Variants in CUX1 observed in about 807,000 individuals in gnomAD.
CUX1 encodes cut like homeobox 1, also known as protein CASP.
Under a neutral mutation model 158.8 loss-of-function variants are expected in CUX1, and 31 were observed. The observed-to-expected ratio is 0.20, with a 90% CI of 0.15 to 0.26. The LOEUF is 0.26. Ranked by LOEUF, CUX1 falls within the 10% of genes least tolerant of loss-of-function variation. The pLI is 1.00. For synonymous variants in CUX1, 879 were observed against 862.1 expected (o/e 1.02, Z -0.34); for missense variants, 1,589 against 2,014.6 (o/e 0.79, Z 4.04).
intron 14 of CUX1, among the ~76,000 whole-genome samples, chr7:102,267,779 G>A (rs752430722): frequency 2.0e-5 from 3 of 152,206 alleles, no homozygotes; most frequent in Admixed American, 6.5e-5. Context: ...CGATCCTCCC[G>A]CCTTAGCCTC....
At chr7:102,274,892 C>T (rs1362150872) in intron 16 of CUX1, among the ~76,000 whole-genome samples, 2 of 152,194 alleles carry the variant, frequency 1.3e-5, no homozygotes, top group Non-Finnish European at 1.5e-5. Context: ...CCCTTTGCTT[C>T]CCCAGGGGAT....
intron 3 of CUX1, among the ~76,000 whole-genome samples, chr7:102,028,988 A>ATT (rs71519103): frequency 0.21 from 23,590 of 114,078 alleles, 2,954 homozygotes; most frequent in East Asian, 0.6. Flanking sequence ...AGTCTTAGGG[A>ATT]TTTTTTTTTT....
At position 102,276,324 on chromosome 7, in the gene CUX1, C is replaced by T. The variant is rs1485332473; in HGVS notation, c.1563+965C>T. On this transcript the variant is annotated intron_variant, in intron 17 of 22. Coordinates refer to the CUX1 transcript ENST00000292538. ...TTTTGGTTGTGTTTGTTTTTTGAGA[C>T]CGAGTCCCGCTCTCTTGCCCAGGCT... is the stretch of plus-strand genomic sequence containing the variant. 4.6e-5 allele frequency among the ~76,000 whole-genome samples: 7 copies of T among 152,112 alleles called. No individual in the cohort carries two copies. The South Asian group carries it at 6.2e-4, about 13-fold the overall frequency.
Position 102,193,824 on chromosome 7 carries a change from T to C in CUX1, c.1077-18T>C. On this transcript the variant is annotated intron_variant, in intron 12 of 23. Coordinates refer to ENST00000292535, the MANE Select transcript of CUX1 (RefSeq NM_181552.4). ...CTCAAAAAATAAATAAAATAACCCC[T>C]CTGTTGTGCTCTTGCAGCATTCTGA... The C allele has an allele frequency of 1.2e-6, 2 of 1,612,970 alleles. No homozygotes were observed. Among genetic ancestry groups the C allele is most frequent in the Non-Finnish European group, 1.7e-6 (2 of 1,179,574 alleles).
intron 8 of CUX1, among the ~76,000 whole-genome samples, chr7:102,144,407 A>G (rs1554501320): frequency 6.6e-6 from 1 of 151,244 alleles, no homozygotes; most frequent in Non-Finnish European, 1.5e-5. Context: ...ACCTGTCCCC[A>G]CTCCTGTTTT....
intron 3 of CUX1, among the ~76,000 whole-genome samples, chr7:102,043,323 C>CTG (rs57276921): frequency 0.16 from 21,904 of 138,878 alleles, 1,653 homozygotes; most frequent in East Asian, 0.28. Context: ...CATTAGCTCA[C>CTG]TGTGTGTGTG....
chr7:101,963,522 G>A (rs150901619), intron 2 of CUX1, among the ~76,000 whole-genome samples: 146 of 152,360 alleles, frequency 9.6e-4, no homozygotes, highest in Non-Finnish European at 1.6e-3. Context: ...AGGGTGGGAA[G>A]TGGAGGCTGG....
At chr7:102,028,906 G>A (rs776718785) in intron 3 of CUX1, among the ~76,000 whole-genome samples, 3 of 151,896 alleles carry the variant, frequency 2.0e-5, no homozygotes, top group Non-Finnish European at 4.4e-5. Flanking sequence ...AACAGAAAGT[G>A]GAATCATAGC....
intron 2 of CUX1, among the ~76,000 whole-genome samples, chr7:102,016,206 C>G (rs10229976): frequency 0.42 from 64,131 of 151,772 alleles, 14,122 homozygotes; most frequent in Non-Finnish European, 0.46. Flanking sequence ...CCTTAACCTC[C>G]CAAAGTGCTG....
At chr7:101,953,666 C>T (rs1041113215) in intron 2 of CUX1, among the ~76,000 whole-genome samples, 6 of 152,164 alleles carry the variant, frequency 3.9e-5, no homozygotes, top group African/African-American at 9.7e-5. Flanking sequence ...TGCTTTACCT[C>T]ACGTACCAAA....
At chr7:101,895,968 G>A (rs1160419952) in intron 1 of CUX1, among the ~76,000 whole-genome samples, 3 of 141,166 alleles carry the variant, frequency 2.1e-5, no homozygotes, top group Admixed American at 7.4e-5. Flanking sequence ...GGAGTGCAGC[G>A]GCACAATCAC....
intron 5 of CUX1, 148 bp downstream of exon 5, chr7:102,097,649 T>A: frequency 1.2e-6 from 1 of 814,036 alleles, no homozygotes; most frequent in Non-Finnish European, 1.9e-6. Flanking sequence ...TCTGAGTCGT[T>A]AAAGAGAGAT....
chr7:102,283,647 G>A (rs1350496906), exon 23 of CUX1: 1 of 152,138 alleles, frequency 6.6e-6, no homozygotes, highest in Non-Finnish European at 1.5e-5. Context: ...CACCCCAAGA[G>A]AGAGAGCCCC....
At chr7:101,824,127 G>A (rs1028226977) in intron 1 of CUX1, among the ~76,000 whole-genome samples, 7 of 152,062 alleles carry the variant, frequency 4.6e-5, no homozygotes, top group African/African-American at 9.7e-5. Flanking sequence ...TCACTCTGTC[G>A]CCCAGCCTGG....
Position 102,250,667 on chromosome 7 carries a change from G to A in CUX1, c.*1625G>A. ...TGCCCTTCTTTCATTTCGCCTCTTAGTTCTTTTTATGCACAGTTTTAGGGC... is the reference window on the plus strand; with the variant it reads ...TGCCCTTCTTTCATTTCGCCTCTTAATTCTTTTTATGCACAGTTTTAGGGC... On this transcript the variant is annotated 3_prime_UTR_variant, in exon 24 of 24. Coordinates refer to ENST00000292535, the MANE Select transcript of CUX1 (RefSeq NM_181552.4). 1 of 985,342 alleles carries A rather than the reference G, an allele frequency of 1.0e-6. No individual in the cohort carries two copies. The highest frequency in any genetic ancestry group is 1.2e-6 in the Non-Finnish European group (1 of 829,916). 61.0% of individuals were successfully genotyped at this position (985,342 alleles called of 1,614,324 possible).
At chr7:101,837,902 C>T (rs1012437650) in intron 1 of CUX1, among the ~76,000 whole-genome samples, 6 of 149,344 alleles carry the variant, frequency 4.0e-5, no homozygotes, top group Non-Finnish European at 4.4e-5. Flanking sequence ...TTTTAACATT[C>T]CCATTTCTAC....
At chr7:102,066,666 C>T (rs1036595686) in intron 3 of CUX1, among the ~76,000 whole-genome samples, 2 of 152,174 alleles carry the variant, frequency 1.3e-5, no homozygotes, top group Admixed American at 6.5e-5. Context: ...TCAAGCGGTA[C>T]GGACAGCAGC....
chr7:102,280,756 C>T (rs1792001884), intron 19 of CUX1: 2 of 1,594,108 alleles, frequency 1.3e-6, no homozygotes, highest in Non-Finnish European at 1.7e-6. Context: ...CAAGCCAGGG[C>T]CTGTGAGGTC....
chr7:102,177,694 C>T (rs1205761523), intron 10 of CUX1, among the ~76,000 whole-genome samples: 4 of 152,112 alleles, frequency 2.6e-5, no homozygotes, highest in African/African-American at 4.8e-5. Flanking sequence ...CACACATCAC[C>T]ATCTCAGTGA....
Sources: allele counts gnomAD v4.1 joint callset (sites outside exome capture counted in the v4.1 genomes callset), GRCh38; gene constraint gnomAD v4.1.1; transcripts MANE v1.5; gene names NCBI Gene and HGNC (gene_info 2026-07-23, HGNC 2026-07-21).